Variants in RASA2 observed in about 807,000 individuals in gnomAD.
RASA2 encodes ras GTPase-activating protein 2.
A neutral mutation model predicts 118.2 loss-of-function variants in RASA2; 155 were observed. That is an observed-to-expected ratio of 1.31 (90% confidence interval 1.15 to 1.50). The LOEUF is 1.50. Ranked by LOEUF, RASA2 falls within the 40% of genes most tolerant of loss-of-function variation. RASA2 has a pLI of 0.00. For synonymous variants in RASA2, 353 were observed against 349.1 expected (o/e 1.01, Z -0.12); for missense variants, 1,016 against 1,009.6 (o/e 1.01, Z -0.09).
intron 2 of RASA2, among the ~76,000 whole-genome samples, chr3:141,512,860 C>T (rs1027787967): frequency 3.3e-5 from 5 of 151,960 alleles, no homozygotes; most frequent in African/African-American, 9.7e-5. Context: ...GTCAGAATTT[C>T]GAGACCAGCT....
intron 21 of RASA2, among the ~76,000 whole-genome samples, chr3:141,609,182 A>T (rs2083596553): frequency 6.6e-6 from 1 of 152,200 alleles, no homozygotes; most frequent in African/African-American, 2.4e-5. Context: ...TTTTGTGATG[A>T]AGCATAGGTT....
rs2083700977 is a variant in RASA2, at chr3:141,614,675, G to C, written c.*2362G>C. 2.0e-5 allele frequency: 3 copies of C among 152,174 alleles called. No individual in the cohort carries two copies. Among genetic ancestry groups the C allele is most frequent in the Admixed American group, 6.5e-5 (1 of 15,282 alleles). 9.4% of individuals were successfully genotyped at this position (152,174 alleles called of 1,614,324 possible). ...TTTCCATCAGTTGAAATTGTGGTGT[G>C]ATCTGTTGCTTGTTTCGTTGTTGTT... is the stretch of plus-strand genomic sequence containing the variant. On this transcript the variant is annotated 3_prime_UTR_variant, in exon 24 of 24. Coordinates refer to ENST00000286364, the MANE Select transcript of RASA2 (RefSeq NM_006506.5).
chr3:141,542,957 G>A (rs1197780147), intron 5 of RASA2, among the ~76,000 whole-genome samples: 2 of 151,994 alleles, frequency 1.3e-5, no homozygotes, highest in African/African-American at 4.8e-5. Flanking sequence ...ACAGAATATA[G>A]TTGGGTCACT....
intron 3 of RASA2, among the ~76,000 whole-genome samples, chr3:141,522,676 C>T (rs2082128897): frequency 6.6e-6 from 1 of 152,108 alleles, no homozygotes. Context: ...TTCCTGCCAG[C>T]TCTTCTTTAT....
chr3:141,527,086 A>G (rs2151092347), intron 3 of RASA2, among the ~76,000 whole-genome samples: 1 of 152,298 alleles, frequency 6.6e-6, no homozygotes, highest in African/African-American at 2.4e-5. Flanking sequence ...GGAAGCCTGG[A>G]AATCAAATCA....
intron 1 of RASA2, among the ~76,000 whole-genome samples, chr3:141,511,240 T>C (rs1002815185): frequency 1.1e-4 from 17 of 152,292 alleles, no homozygotes; most frequent in African/African-American, 4.1e-4. Context: ...CTTGTTAAAT[T>C]TGAAATGCCT....
At chr3:141,515,716 A>G (rs889478935) in intron 2 of RASA2, among the ~76,000 whole-genome samples, 4 of 151,818 alleles carry the variant, frequency 2.6e-5, no homozygotes, top group African/African-American at 9.7e-5. Flanking sequence ...CCTGGCCAAC[A>G]TGGTGAAACC....
Position 141,550,458 on chromosome 3 carries a change from G to A in RASA2, c.528-3399G>A, listed in dbSNP as rs1015176456. 5.9e-5 allele frequency among the ~76,000 whole-genome samples: 9 copies of A among 152,164 alleles called. No homozygotes were observed. In the South Asian group the frequency reaches 8.3e-4, roughly 14 times the overall value. On this transcript the variant is annotated intron_variant, in intron 5 of 23. Coordinates refer to ENST00000286364, the MANE Select transcript of RASA2 (RefSeq NM_006506.5). ...AAGACATGACAACTAAATGCACTAT[G>A]GGATCCTGTATTGTGTCCTAGATCA...
rs1486277279 is a variant in RASA2, at chr3:141,600,760, C to G, written c.1934-6918C>G. Among the ~76,000 whole-genome samples the G allele has an allele frequency of 5.9e-5, 9 of 152,154 alleles. No individual in the cohort carries two copies. The East Asian group carries it at 1.7e-3, about 29-fold the overall frequency. On this transcript the variant is annotated intron_variant, in intron 19 of 23. Coordinates refer to ENST00000286364, the MANE Select transcript of RASA2 (RefSeq NM_006506.5). ...GAATTCATCTCGATTTTAACACAATCCCACTCCAAATCCCAGCCAGTTTTT... is the reference window on the plus strand; with the variant it reads ...GAATTCATCTCGATTTTAACACAATGCCACTCCAAATCCCAGCCAGTTTTT...
intron 5 of RASA2, among the ~76,000 whole-genome samples, chr3:141,549,742 A>G (rs1157829357): frequency 6.6e-6 from 1 of 152,160 alleles, no homozygotes; most frequent in African/African-American, 2.4e-5. Context: ...CAGTAAAAGA[A>G]CCTGGACTCC....
intron 23 of RASA2, among the ~76,000 whole-genome samples, chr3:141,611,044 A>G (rs1281416276): frequency 6.6e-6 from 1 of 152,246 alleles, no homozygotes; most frequent in African/African-American, 2.4e-5. Context: ...AACTTACTCC[A>G]GCAAGGGGCA....
chr3:141,528,351 A>C (rs191924048), intron 3 of RASA2, among the ~76,000 whole-genome samples: 2 of 152,058 alleles, frequency 1.3e-5, no homozygotes, highest in Admixed American at 1.3e-4. Context: ...ACATACCATT[A>C]ATTCACCCTT....
Position 141,487,202 on chromosome 3 carries a change from T to C in RASA2, c.119T>C (p.Leu40Pro). The C allele has an allele frequency of 1.4e-6, 2 of 1,441,572 alleles. No homozygotes were observed. The highest frequency in any genetic ancestry group is 1.4e-5 in the South Asian group (1 of 71,186). 89.3% of individuals were successfully genotyped at this position (1,441,572 alleles called of 1,614,324 possible). A position where few individuals can be genotyped will look rare whatever the true frequency, so the allele number is the denominator to read the frequency against. The change falls in exon 1 of 24, where the codon CTG becomes CCG. Residue 40 changes from leucine (L) to proline (P), a missense_variant. This residue lies in a region of RASA2 where 896 missense variants were observed against 836.4 expected (regional missense o/e 1.07). Coordinates refer to ENST00000286364, the MANE Select transcript of RASA2 (RefSeq NM_006506.5). ...DSREVRVLQSLRGKICEAKNL... is the reference protein window; with the variant it reads ...DSREVRVLQSPRGKICEAKNL... ...CGCGAGGTTCGAGTGTTGCAGAGCC[T>C]GCGGGGCAAGATCTGTAAGCGGGGG...
chr3:141,557,000 C>G (rs1287108154), intron 7 of RASA2, among the ~76,000 whole-genome samples: 2 of 152,124 alleles, frequency 1.3e-5, no homozygotes, highest in African/African-American at 4.8e-5. Context: ...TGCATCTAAC[C>G]TGGAGAAAAC....
At chr3:141,571,270 TA>T in intron 10 of RASA2, 135 bp from the exon 11 acceptor site, 6 of 1,327,822 alleles carry the variant, frequency 4.5e-6, no homozygotes, top group Non-Finnish European at 4.1e-6. Context: ...TCATCTCTGA[TA>T]AAAAATTTCG....
intron 19 of RASA2, among the ~76,000 whole-genome samples, chr3:141,594,141 A>T (rs1021260090): frequency 6.6e-6 from 1 of 152,204 alleles, no homozygotes; most frequent in African/African-American, 2.4e-5. Flanking sequence ...TCTAGAATTG[A>T]AAAGCACGAT....
chr3:141,571,072 T>C lies in RASA2; in HGVS notation c.1020+4T>C, dbSNP rs374203934. The C allele has an allele frequency of 3.1e-6, 5 of 1,593,128 alleles. No individual in the cohort carries two copies. In the African/African-American group the frequency reaches 6.8e-5, roughly 22 times the overall value. On this transcript the variant is annotated splice_donor_region_variant and intron_variant, in intron 10 of 23. Coordinates refer to ENST00000286364, the MANE Select transcript of RASA2 (RefSeq NM_006506.5). Reference sequence around the variant, plus strand: ...GCTAAAATCACCAGATGTTCAAGTATGTTAAGAATCTTAAGGATATGATTT... The same window carrying C: ...GCTAAAATCACCAGATGTTCAAGTACGTTAAGAATCTTAAGGATATGATTT...
At position 141,612,339 on chromosome 3, in the gene RASA2, C is replaced by A. The variant is rs766403707; in HGVS notation, c.*26C>A. On this transcript the variant is annotated 3_prime_UTR_variant, in exon 24 of 24. Transcript: ENST00000286364. ...AGTTTAACAGATTGGTTCAGAAGAA[C>A]TGGAAAATATTATTTTTCTTGGAGC... 1.3e-6 allele frequency: 2 copies of A among 1,543,768 alleles called. No individual in the cohort carries two copies. The highest frequency in any genetic ancestry group is 2.4e-5 in the South Asian group (2 of 84,640).
At chr3:141,611,394 C>G (rs1394817686) in intron 23 of RASA2, among the ~76,000 whole-genome samples, 1 of 152,164 alleles carries the variant, frequency 6.6e-6, no homozygotes, top group Non-Finnish European at 1.5e-5. Context: ...AGAGTTACCC[C>G]CAGCTTTCCC....
Sources: gnomAD v4.1 joint callset for allele counts (sites outside exome capture counted in the v4.1 genomes callset) on GRCh38, gnomAD v4.1.1 for gene constraint, gnomAD v4.1.1 regional missense constraint, MANE v1.5 for transcripts, NCBI Gene and HGNC (gene_info 2026-07-23, HGNC 2026-07-21) for gene names.